Variants in CD48 observed in about 807,000 individuals in gnomAD.
CD48 encodes the protein CD48 molecule, also known as CD48 antigen.
In CD48, 20 loss-of-function variants were observed where a neutral mutation model predicts 22.0. The observed-to-expected ratio is 0.91, with a 90% CI of 0.64 to 1.32. The LOEUF (loss-of-function observed/expected upper bound fraction) is 1.32. Among genes scored for constraint, CD48 ranks in the 40% most tolerant of loss-of-function variants. The pLI is 0.00. For synonymous variants in CD48, 110 were observed against 110.1 expected (o/e 1.00, Z 0.01); for missense variants, 307 against 286.5 (o/e 1.07, Z -0.52).
At chr1:160,690,709 C>T (rs1662177261) in intron 1 of CD48, among the ~76,000 whole-genome samples, 1 of 152,096 alleles carries the variant, frequency 6.6e-6, no homozygotes, top group Non-Finnish European at 1.5e-5. Context: ...GAAGCCAATT[C>T]AGAATTATCA....
chr1:160,704,666 G>A (rs534836756), intron 1 of CD48, among the ~76,000 whole-genome samples: 1 of 152,282 alleles, frequency 6.6e-6, no homozygotes, highest in Non-Finnish European at 1.5e-5. Flanking sequence ...TTTTTATGCT[G>A]TCATGTTCTT....
intron 1 of CD48, among the ~76,000 whole-genome samples, chr1:160,694,918 T>C (rs1662358645): frequency 6.6e-6 from 1 of 152,280 alleles, no homozygotes; most frequent in African/African-American, 2.4e-5. Flanking sequence ...GCCTTCATTC[T>C]CGCCTTGGAA....
At chr1:160,683,448 T>C (rs532447855) in intron 2 of CD48, 1 of 152,342 alleles carries the variant, frequency 6.6e-6, no homozygotes, top group Non-Finnish European at 1.5e-5. Flanking sequence ...CATTAGTTTA[T>C]TGAAATCAAC....
At chr1:160,697,192 G>A (rs1238688639) in intron 1 of CD48, among the ~76,000 whole-genome samples, 1 of 152,236 alleles carries the variant, frequency 6.6e-6, no homozygotes, top group African/African-American at 2.4e-5. Flanking sequence ...GGGAAATAGG[G>A]AAGCTGATAA....
chr1:160,694,202 C>T (rs1028095754), intron 1 of CD48, among the ~76,000 whole-genome samples: 2 of 152,234 alleles, frequency 1.3e-5, no homozygotes, highest in African/African-American at 4.8e-5. Flanking sequence ...TCGATTATTA[C>T]TCCTGCCATA....
At chr1:160,700,683 A>T (rs1662602014) in intron 1 of CD48, among the ~76,000 whole-genome samples, 1 of 152,214 alleles carries the variant, frequency 6.6e-6, no homozygotes, top group African/African-American at 2.4e-5. Context: ...CCCGCAACAT[A>T]GAAATCAAGT....
At chr1:160,694,151 T>A (rs1662325155) in intron 1 of CD48, among the ~76,000 whole-genome samples, 1 of 152,244 alleles carries the variant, frequency 6.6e-6, no homozygotes, top group Non-Finnish European at 1.5e-5. Context: ...GGTTATTAGC[T>A]CTTCAATTCC....
intron 1 of CD48, among the ~76,000 whole-genome samples, chr1:160,704,777 G>T (rs1416924199): frequency 1.3e-5 from 2 of 150,232 alleles, no homozygotes; most frequent in Non-Finnish European, 3.0e-5. Context: ...TTCCAGTTTT[G>T]TTCTTTTATT....
intron 1 of CD48, among the ~76,000 whole-genome samples, chr1:160,704,512 A>T (rs1423674039): frequency 6.6e-6 from 1 of 152,216 alleles, no homozygotes; most frequent in Non-Finnish European, 1.5e-5. Flanking sequence ...ACTCACTGGC[A>T]ATGGCCATGG....
intron 1 of CD48, among the ~76,000 whole-genome samples, chr1:160,697,961 C>T (rs865823889): frequency 1.3e-5 from 2 of 152,144 alleles, no homozygotes; most frequent in Admixed American, 6.5e-5. Flanking sequence ...AATCTCTACC[C>T]CAAGACCAAA....
At position 160,679,275 on chromosome 1, in the gene CD48, G is replaced by T. The variant is rs562523883; in HGVS notation, c.653-144C>A. The T allele has an allele frequency of 1.6e-4, 104 of 642,312 alleles. 1 individual carries two copies. In the South Asian group the frequency reaches 1.9e-3, roughly 12 times the overall value. 39.8% of individuals were successfully genotyped at this position (642,312 alleles called of 1,614,324 possible). Reference sequence around the variant, plus strand: ...TCCCTGAATCCCATCCTATTTGGCTGGGACATTCTTTTCCTCAATCTCCCC... The same window carrying T: ...TCCCTGAATCCCATCCTATTTGGCTTGGACATTCTTTTCCTCAATCTCCCC... On this transcript the variant is annotated intron_variant, in intron 3 of 3. Coordinates refer to ENST00000368046, the MANE Select transcript of CD48 (RefSeq NM_001778.4).
chr1:160,711,611 T>A lies in CD48; in HGVS notation c.82+71A>T, dbSNP rs1662950439. On this transcript the variant is annotated intron_variant, in intron 1 of 3. Transcript: ENST00000368046. ...ATCTGGCTTCTAGGGTTGAACTACATCCCGTCTCCCCTTTCCCAACTGACC... is the reference window on the plus strand; with the variant it reads ...ATCTGGCTTCTAGGGTTGAACTACAACCCGTCTCCCCTTTCCCAACTGACC... The A allele has an allele frequency of 2.1e-5, 25 of 1,174,794 alleles. No individual in the cohort carries two copies. In the South Asian group the frequency reaches 3.0e-4, roughly 14 times the overall value. 72.8% of individuals were successfully genotyped at this position (1,174,794 alleles called of 1,614,324 possible).
At chr1:160,685,236 T>G in intron 1 of CD48, 47 bp from the exon 2 acceptor site, 1 of 1,458,958 alleles carries the variant, frequency 6.9e-7, no homozygotes, top group Non-Finnish European at 9.4e-7. Flanking sequence ...GAGGCAGTGT[T>G]GCTGACAGGC....
At chr1:160,688,751 C>T (rs901185028) in intron 1 of CD48, among the ~76,000 whole-genome samples, 1 of 152,100 alleles carries the variant, frequency 6.6e-6, no homozygotes, top group Non-Finnish European at 1.5e-5. Context: ...GCGGGTAATG[C>T]CTTTATCTTC....
At chr1:160,709,208 G>A (rs1662881285) in intron 1 of CD48, among the ~76,000 whole-genome samples, 1 of 152,178 alleles carries the variant, frequency 6.6e-6, no homozygotes, top group African/African-American at 2.4e-5. Flanking sequence ...CACGTGTCTG[G>A]AGAGTCTAGA....
At chr1:160,690,033 T>C (rs1320714723) in intron 1 of CD48, among the ~76,000 whole-genome samples, 2 of 152,212 alleles carry the variant, frequency 1.3e-5, no homozygotes, top group Non-Finnish European at 2.9e-5. Context: ...AGTTAAATCA[T>C]GTTTTGGTTG....
intron 1 of CD48, among the ~76,000 whole-genome samples, chr1:160,707,298 A>C (rs1387905194): frequency 1.3e-5 from 2 of 152,194 alleles, no homozygotes; most frequent in Non-Finnish European, 2.9e-5. Flanking sequence ...GTAGGGCGGT[A>C]TGTAAAGGGT....
Position 160,680,797 on chromosome 1 carries a change from C to T in CD48, c.652+405G>A, listed in dbSNP as rs1295009705. On this transcript the variant is annotated intron_variant, in intron 3 of 3. Transcript: ENST00000368046. The stretch of plus-strand genomic sequence containing the variant: ...GTCTAATGACCTCGGTCCCTCTTTC[C>T]TTGGCTGACTTCGGCTGTCTAATGA... 39 of 1,144,512 alleles carry T rather than the reference C, an allele frequency of 3.4e-5. No homozygotes were observed. In the South Asian group the frequency reaches 5.9e-4, roughly 17 times the overall value. The allele number at this position is 1,144,512 out of a possible 1,614,324, so 70.9% of individuals were successfully genotyped here.
chr1:160,686,462 G>A (rs1252500055), intron 1 of CD48: 1 of 152,188 alleles, frequency 6.6e-6, no homozygotes, highest in Non-Finnish European at 1.5e-5. Flanking sequence ...GACCACTAGG[G>A]TAAGCCAAAG....
Sources: gnomAD v4.1 joint callset for allele counts (sites outside exome capture counted in the v4.1 genomes callset) on GRCh38, gnomAD v4.1.1 for gene constraint, MANE v1.5 for transcripts, NCBI Gene and HGNC (gene_info 2026-07-23, HGNC 2026-07-21) for gene names.